TEKT4: variants seen among roughly 807,000 people sequenced by gnomAD.
TEKT4 encodes the protein tektin-4.
TEKT4 carries 46 observed loss-of-function variants against 46.0 expected under a neutral mutation model. The observed-to-expected ratio is 1.00, with a 90% CI of 0.79 to 1.28. TEKT4 has a LOEUF of 1.28. TEKT4 is among the 50% of genes most tolerant of loss of function. TEKT4 has a pLI of 0.00. For missense variants in TEKT4, 790 were observed against 622.9 expected (o/e 1.27, Z -2.85); for synonymous variants, 325 against 265.8 (o/e 1.22, Z -2.17).
intron 4 of TEKT4, 21 bp from the exon 5 acceptor site, chr2:94,875,567 G>A: frequency 6.2e-7 from 1 of 1,613,882 alleles, no homozygotes; most frequent in African/African-American, 1.3e-5. Flanking sequence ...ACAGGCCCAA[G>A]GAGAACTGTC....
At chr2:94,872,255 C>G (rs1428806284) in intron 1 of TEKT4, 178 bp downstream of exon 1, 20 of 749,210 alleles carry the variant, frequency 2.7e-5, no homozygotes, top group Non-Finnish European at 4.2e-5. Context: ...AGCTTTGCCC[C>G]AGAAGACCCC....
At chr2:94,873,315 A>G (rs1380911881) in intron 1 of TEKT4, 2 of 1,425,470 alleles carry the variant, frequency 1.4e-6, no homozygotes, top group Admixed American at 5.7e-5. Flanking sequence ...CCTGGAGGAA[A>G]ACACCCCACT....
intron 3 of TEKT4, 143 bp downstream of exon 3, chr2:94,874,251 A>G (rs1680720374): frequency 1.1e-6 from 1 of 879,844 alleles, no homozygotes; most frequent in Non-Finnish European, 1.7e-6. Flanking sequence ...TGCCCCTGGC[A>G]TGAGCAAGCG....
intron 1 of TEKT4, chr2:94,872,682 A>C: frequency 1.1e-5 from 6 of 534,200 alleles, no homozygotes; most frequent in Non-Finnish European, 1.8e-5. Flanking sequence ...GAGAACCACT[A>C]CAGGCCTGTA....
chr2:94,873,003 G>T lies in TEKT4; in HGVS notation c.499-517G>T, dbSNP rs1217142094. ...GGAAGTACCCAGTGGTTGAGGCAAA[G>T]ACCCCAATCACAGAGAAAAGGCTTG... is the stretch of plus-strand genomic sequence containing the variant. On this transcript the variant is annotated intron_variant, in intron 1 of 5. Coordinates refer to ENST00000295201, the MANE Select transcript of TEKT4 (RefSeq NM_144705.4). 15 of 1,289,370 alleles carry T rather than the reference G, an allele frequency of 1.2e-5. No individual in the cohort carries two copies. The African/African-American group carries it at 2.1e-4, about 18-fold the overall frequency. The allele number at this position is 1,289,370 out of a possible 1,614,324, so 79.9% of individuals were successfully genotyped here. A position where few individuals can be genotyped will look rare whatever the true frequency, so the allele number is the denominator to read the frequency against.
chr2:94,875,801 T>G, intron 5 of TEKT4, 59 bp downstream of exon 5: 1 of 1,557,212 alleles, frequency 6.4e-7, no homozygotes, highest in South Asian at 1.2e-5. Context: ...TCCCTGTGAC[T>G]CTCTCCAATA....
intron 1 of TEKT4, 51 bp from the exon 2 acceptor site, chr2:94,873,469 G>A (rs1553395281): frequency 1.9e-6 from 3 of 1,611,230 alleles, no homozygotes; most frequent in Non-Finnish European, 2.5e-6. Context: ...TGGGCCTCCT[G>A]GGATCCTCAC....
rs1553396319 is a variant in TEKT4 at position 94,875,701 on chromosome 2, C to G, written c.1050C>G (p.His350Gln). Residue 350 changes from histidine to glutamine, a missense_variant, in exon 5 of 6, where the codon CAC becomes CAG. His to Gln is a conservative substitution (Grantham distance 24). Transcript: ENST00000295201. ...VAQTRLYLRSHRPNMELCRDA... is the reference protein window; with the variant it reads ...VAQTRLYLRSQRPNMELCRDA... Reference sequence around the variant, plus strand: ...AGACCCGGCTGTACCTGCGCTCGCACCGGCCCAACATGGAGCTGTGCCGTG... The same window carrying G: ...AGACCCGGCTGTACCTGCGCTCGCAGCGGCCCAACATGGAGCTGTGCCGTG... The G allele has an allele frequency of 4.3e-6, 7 of 1,614,072 alleles. No individual in the cohort carries two copies. The highest frequency in any genetic ancestry group is 5.9e-6 in the Non-Finnish European group (7 of 1,180,022).
chr2:94,874,575 G>C (rs1553395723), intron 3 of TEKT4, among the ~76,000 whole-genome samples: 1 of 150,566 alleles, frequency 6.6e-6, no homozygotes, highest in Non-Finnish European at 1.5e-5. Flanking sequence ...GGTGTGGGGG[G>C]ACTCAGAGAA....
chr2:94,873,783 G>C (rs1553395445), intron 2 of TEKT4, among the ~76,000 whole-genome samples, 182 bp from the exon 3 acceptor site: 1 of 152,116 alleles, frequency 6.6e-6, no homozygotes, highest in African/African-American at 2.4e-5. Flanking sequence ...TGCCACATCT[G>C]ATCTGCAGCC....
chr2:94,872,490 T>G, intron 1 of TEKT4: 1 of 323,728 alleles, frequency 3.1e-6, no homozygotes, highest in Non-Finnish European at 6.0e-6. Context: ...ATTCATCCTA[T>G]ACAGAGCCGG....
At chr2:94,873,216 G>A (rs1553395206) in intron 1 of TEKT4, 4 of 1,276,276 alleles carry the variant, frequency 3.1e-6, no homozygotes, top group African/African-American at 1.5e-5. Flanking sequence ...AACGTTCCCA[G>A]GTGCACTGAG....
At chr2:94,875,837 T>G in intron 5 of TEKT4, 95 bp downstream of exon 5, 1 of 1,292,710 alleles carries the variant, frequency 7.7e-7, no homozygotes, top group Non-Finnish European at 1.1e-6. Context: ...CGCACACACA[T>G]CCCCCGCAGG....
intron 1 of TEKT4, chr2:94,872,762 T>A: frequency 8.0e-7 from 1 of 1,251,032 alleles, no homozygotes; most frequent in Non-Finnish European, 1.0e-6. Context: ...GCAAGAACCC[T>A]TGAGTCCCTC....
chr2:94,873,130 G>C, intron 1 of TEKT4: 1 of 1,227,670 alleles, frequency 8.1e-7, no homozygotes, highest in Non-Finnish European at 1.0e-6. Flanking sequence ...ACAGAGCCCT[G>C]AGGGGCAGCC....
chr2:94,875,714 G>A lies in TEKT4; in HGVS notation c.1063G>A (p.Glu355Lys). 1.2e-6 allele frequency: 2 copies of A among 1,614,112 alleles called. No individual in the cohort carries two copies. Among genetic ancestry groups the A allele is most frequent in the Non-Finnish European group, 1.7e-6 (2 of 1,179,984 alleles). The change falls in exon 5 of 6, where the codon GAG (glutamate) becomes AAG (lysine). Residue 355 changes from glutamate (E) to lysine (K), a missense_variant. Glu to Lys is a moderately conservative substitution (Grantham distance 56). Coordinates refer to ENST00000295201, the MANE Select transcript of TEKT4 (RefSeq NM_144705.4). ...CCTGCGCTCGCACCGGCCCAACATG[G>A]AGCTGTGCCGTGACGCAGCCCAGTT... ...LYLRSHRPNM[E>K]LCRDAAQFRL...
At position 94,873,519 on chromosome 2, in the gene TEKT4, G is replaced by A. The variant is rs1158373394; in HGVS notation, c.499-1G>A. 3 of 1,612,240 alleles carry A rather than the reference G, an allele frequency of 1.9e-6. No homozygotes were observed. In the South Asian group the frequency reaches 3.3e-5, roughly 18 times the overall value. On this transcript the variant is annotated splice_acceptor_variant, in intron 1 of 5. Transcript: ENST00000295201. LOFTEE classifies it high-confidence loss of function. ...GGTGCTCAGGGCGTCTCCTCCCTCA[G>A]GAAGCCGAGCTCATCCGGAACATTC...
Position 94,875,630 on chromosome 2 carries a change from C to A in TEKT4, c.979C>A (p.Leu327Met). 2 of 1,614,192 alleles carry A rather than the reference C, an allele frequency of 1.2e-6. No homozygotes were observed. The highest frequency in any genetic ancestry group is 2.2e-5 in the East Asian group (1 of 44,864). ...ITDQEHNVAA[L>M]KQAIKDKEAP... ...AGATCAGGAACACAACGTGGCGGCA[C>A]TGAAGCAGGCCATCAAGGACAAAGA... Residue 327 changes from leucine to methionine, a missense_variant, in exon 5 of 6, where the codon CTG becomes ATG. Transcript: ENST00000295201.
chr2:94,874,828 GC>G lies in TEKT4; in HGVS notation c.769del (p.Gln257SerfsTer32), dbSNP rs782518375. On this transcript the variant is annotated frameshift_variant, in exon 4 of 6. Coordinates refer to ENST00000295201, the MANE Select transcript of TEKT4 (RefSeq NM_144705.4). LOFTEE classifies it high-confidence loss of function. The part of the protein sequence containing the change: ...AKFTQDNLCR[A>X]QRERLASANL... ...GTTCACGCAGGACAATCTGTGCCGT[GC>G]CCAGCGCGAGCGCCTGGCCTCGGCC... 6.2e-7 allele frequency: 1 copy of G among 1,605,188 alleles called. No individual in the cohort carries two copies.
Sources: allele counts gnomAD v4.1 joint callset (sites outside exome capture counted in the v4.1 genomes callset), GRCh38; gene constraint gnomAD v4.1.1; transcripts MANE v1.5; gene names NCBI Gene and HGNC (gene_info 2026-07-23, HGNC 2026-07-21).